IRAG1: variants seen among roughly 807,000 people sequenced by gnomAD.
IRAG1 encodes inositol 1,4,5-triphosphate receptor associated 1, also known as IP3R-associated cGMP kinase substrate.
In IRAG1, 62 loss-of-function variants were observed where a neutral mutation model predicts 106.2. The ratio of observed to expected loss-of-function variants is 0.58; its 90% CI spans 0.48 to 0.72. The LOEUF (loss-of-function observed/expected upper bound fraction) is 0.72. Ranked by LOEUF, IRAG1 falls within the 30% of genes least tolerant of loss-of-function variation. The probability of loss-of-function intolerance (pLI) is 0.00; values close to 1 mark genes in which losing one functional copy is unlikely to be tolerated. For synonymous variants in IRAG1, 462 were observed against 443.9 expected (o/e 1.04, Z -0.51); for missense variants, 1,064 against 1,140.7 (o/e 0.93, Z 0.97).
chr11:10,615,638 T>C (rs1386926506), intron 10 of IRAG1, among the ~76,000 whole-genome samples: 2 of 152,056 alleles, frequency 1.3e-5, no homozygotes, highest in East Asian at 2.0e-4. Context: ...TGTAGGGACA[T>C]GGATGAAGCT....
At chr11:10,691,275 C>A (rs1862036500) in intron 1 of IRAG1, among the ~76,000 whole-genome samples, 1 of 152,218 alleles carries the variant, frequency 6.6e-6, no homozygotes, top group South Asian at 2.1e-4. Flanking sequence ...GTGCTCCCGG[C>A]ATTCTGGGTG....
chr11:10,692,719 C>T (rs1165909807), intron 1 of IRAG1, among the ~76,000 whole-genome samples: 1 of 152,202 alleles, frequency 6.6e-6, no homozygotes, highest in African/African-American at 2.4e-5. Flanking sequence ...GGCCAGGGGT[C>T]CCAGACCCCG....
intron 1 of IRAG1, among the ~76,000 whole-genome samples, chr11:10,686,716 T>C (rs1183219444): frequency 2.6e-5 from 4 of 152,100 alleles, no homozygotes; most frequent in Non-Finnish European, 5.9e-5. Flanking sequence ...GGCTTGGTGG[T>C]CTGATGGTTT....
intron 2 of IRAG1, among the ~76,000 whole-genome samples, chr11:10,646,980 G>T (rs556892234): frequency 6.6e-6 from 1 of 152,184 alleles, no homozygotes; most frequent in South Asian, 2.1e-4. Context: ...AAGGGGCATA[G>T]ACAGGCATGT....
At chr11:10,585,886 A>C (rs1378879500) in intron 18 of IRAG1, 1 of 152,242 alleles carries the variant, frequency 6.6e-6, no homozygotes, top group South Asian at 2.1e-4. Context: ...TGGACTTTCC[A>C]GCCCTCCATG....
chr11:10,664,839 T>C (rs985362159), intron 1 of IRAG1, among the ~76,000 whole-genome samples: 1 of 152,086 alleles, frequency 6.6e-6, no homozygotes, highest in Non-Finnish European at 1.5e-5. Context: ...GAAGAAGAAC[T>C]TGTCTAAGGA....
Position 10,601,055 on chromosome 11 carries a change from T to C in IRAG1, c.1880A>G (p.Lys627Arg). The C allele has an allele frequency of 6.2e-7, 1 of 1,613,864 alleles. No individual in the cohort carries two copies. The highest frequency in any genetic ancestry group is 8.5e-7 in the Non-Finnish European group (1 of 1,179,868). ...AEVVGAVRQE[K>R]RMSKATEVMM... ...CACTTCCGTTGCTTTCGACATGCGC[T>C]TTTCCTGCGGGGAAGGAGCGCATGA... Residue 627 changes from lysine (K) to arginine (R), a missense_variant, in exon 15 of 21, where the codon AAG becomes AGG. Lys to Arg is a conservative substitution (Grantham distance 26). Transcript: ENST00000423302.
At chr11:10,581,782 A>C (rs1851422109) in intron 19 of IRAG1, 85 bp downstream of exon 19, 1 of 1,522,134 alleles carries the variant, frequency 6.6e-7, no homozygotes, top group African/African-American at 1.4e-5. Context: ...ACTTCCCTAA[A>C]GCCTCTAAGA....
At chr11:10,678,423 A>C (rs1860880018) in intron 1 of IRAG1, among the ~76,000 whole-genome samples, 1 of 152,104 alleles carries the variant, frequency 6.6e-6, no homozygotes, top group South Asian at 2.1e-4. Context: ...TCCTTTGTCT[A>C]AGCTATTTCA....
chr11:10,618,050 C>A (rs1031585835), intron 10 of IRAG1, among the ~76,000 whole-genome samples: 1 of 152,216 alleles, frequency 6.6e-6, no homozygotes, highest in Non-Finnish European at 1.5e-5. Context: ...GCCTTCAAAG[C>A]CTTCAATTTC....
At chr11:10,612,671 G>T (rs984457238) in intron 10 of IRAG1, among the ~76,000 whole-genome samples, 3 of 150,094 alleles carry the variant, frequency 2.0e-5, no homozygotes, top group Admixed American at 6.6e-5. Context: ...AGGTAGAAAG[G>T]AAGGAAAAGG....
chr11:10,578,787 G>A (rs535586260), intron 20 of IRAG1, among the ~76,000 whole-genome samples: 9 of 152,210 alleles, frequency 5.9e-5, no homozygotes. Context: ...GATTGAATTA[G>A]CTAGATAAGA....
intron 1 of IRAG1, chr11:10,690,264 C>T (rs533481209): frequency 1.6e-4 from 84 of 509,614 alleles, no homozygotes; most frequent in Non-Finnish European, 2.5e-4. Flanking sequence ...GTGGTACTCA[C>T]CTGTAATCCC....
intron 1 of IRAG1, chr11:10,690,418 C>A: frequency 7.8e-7 from 1 of 1,284,530 alleles, no homozygotes; most frequent in South Asian, 1.2e-5. Context: ...CCTCTGCTTT[C>A]CACCTCCCTT....
intron 15 of IRAG1, among the ~76,000 whole-genome samples, chr11:10,594,449 G>C (rs1365616267): frequency 6.6e-6 from 1 of 152,020 alleles, no homozygotes; most frequent in Admixed American, 6.6e-5. Context: ...TTGGACCTCT[G>C]ATCTTTATCT....
chr11:10,603,868 C>G (rs57482306), intron 13 of IRAG1, among the ~76,000 whole-genome samples: 1 of 152,312 alleles, frequency 6.6e-6, no homozygotes, highest in African/African-American at 2.4e-5. Flanking sequence ...ATGGCCCTCA[C>G]CAGAACCCGA....
rs143989964 is a variant in IRAG1 at position 10,626,056 on chromosome 11, G to A, written c.1278C>T (p.Ala426=). 43 of 1,523,400 alleles carry A rather than the reference G, an allele frequency of 2.8e-5. No individual in the cohort carries two copies. In the East Asian group the frequency reaches 7.5e-4, roughly 27 times the overall value. The allele number at this position is 1,523,400 out of a possible 1,614,324, so 94.4% of individuals were successfully genotyped here. ...CAGGGGCCTTGGCCAGCTTGCCGCC[G>A]GCCTTGCCTGCAAAACGCTTTTCTT... ...AEEEKRFAGK[A]GGKLAKAPGL... The change falls in exon 9 of 21, where the codon GCC becomes GCT. Residue 426 remains alanine, a synonymous_variant. Transcript: ENST00000423302.
chr11:10,626,437 G>C lies in IRAG1; in HGVS notation c.897C>G (p.Pro299=), dbSNP rs111473067. 3.7e-6 allele frequency: 6 copies of C among 1,613,686 alleles called. No homozygotes were observed. The highest frequency in any genetic ancestry group is 4.2e-6 in the Non-Finnish European group (5 of 1,179,828). ...GAGCTAGGCCTTTGGGTGTGGTCTCGGGGTACTGGAGGGGATCGAAGTTTT... is the reference window on the plus strand; with the variant it reads ...GAGCTAGGCCTTTGGGTGTGGTCTCCGGGTACTGGAGGGGATCGAAGTTTT... ...QKENFDPLQY[P]ETTPKGLAPV... The change falls in exon 9 of 21, where the codon CCC becomes CCG. Residue 299 remains proline (P), a synonymous_variant. Coordinates refer to ENST00000423302, the MANE Select transcript of IRAG1 (RefSeq NM_130385.4).
At position 10,576,523 on chromosome 11, in the gene IRAG1, GAC is replaced by G. The variant is rs1429312305; in HGVS notation, c.2546_2547del (p.Cys849SerfsTer27). The G allele has an allele frequency of 1.9e-6, 3 of 1,614,008 alleles. No homozygotes were observed. The highest frequency in any genetic ancestry group is 2.5e-6 in the Non-Finnish European group (3 of 1,179,886). On this transcript the variant is annotated frameshift_variant, in exon 21 of 21. Coordinates refer to ENST00000423302, the MANE Select transcript of IRAG1 (RefSeq NM_130385.4). LOFTEE classifies it high-confidence loss of function. Reference protein sequence around the residue: ...HFLQVMYPKLCQHWQVIWMMA... With the variant: ...HFLQVMYPKLXQHWQVIWMMA... ...ATCATCCAGATCACTTGCCAGTGCT[GAC>G]ACAGTTTGGGATACATGACTTGTAA...
Sources: allele counts gnomAD v4.1 joint callset (sites outside exome capture counted in the v4.1 genomes callset), GRCh38; gene constraint gnomAD v4.1.1; transcripts MANE v1.5; gene names NCBI Gene and HGNC (gene_info 2026-07-23, HGNC 2026-07-21).